GRIN2A: variants seen among roughly 807,000 people sequenced by gnomAD.
GRIN2A encodes glutamate receptor ionotropic, NMDA 2A.
A neutral mutation model predicts 113.4 loss-of-function variants in GRIN2A; 22 were observed. The ratio of observed to expected loss-of-function variants is 0.19; its 90% CI spans 0.14 to 0.28. GRIN2A has a LOEUF of 0.28. GRIN2A is among the 10% of genes least tolerant of loss of function. The pLI is 1.00. For missense variants in GRIN2A, 1,502 were observed against 1,887.0 expected, an observed-to-expected ratio of 0.80 and a Z score of 3.78; for synonymous variants, 827 against 738.4, an observed-to-expected ratio of 1.12 and a Z score of -1.94.
At chr16:10,017,348 G>A (rs188733990) in intron 2 of GRIN2A, among the ~76,000 whole-genome samples, 3 of 152,202 alleles carry the variant, frequency 2.0e-5, no homozygotes, top group Non-Finnish European at 4.4e-5. Flanking sequence ...ATGAGTCTTG[G>A]TGGGGCGGCA....
chr16:9,936,432 A>G (rs1002185806), intron 3 of GRIN2A, among the ~76,000 whole-genome samples: 2 of 152,228 alleles, frequency 1.3e-5, no homozygotes, highest in Non-Finnish European at 2.9e-5. Context: ...ACAAGCTTTG[A>G]ACCCAGACAA....
intron 11 of GRIN2A, among the ~76,000 whole-genome samples, chr16:9,774,597 A>T (rs1334691422): frequency 6.6e-6 from 1 of 152,262 alleles, no homozygotes; most frequent in Non-Finnish European, 1.5e-5. Context: ...TAAAAAAATT[A>T]ACTCATGTAA....
chr16:10,095,096 C>G (rs902741587), intron 2 of GRIN2A, among the ~76,000 whole-genome samples: 1 of 152,086 alleles, frequency 6.6e-6, no homozygotes, highest in Non-Finnish European at 1.5e-5. Flanking sequence ...TTCTCTCTCT[C>G]TCTCTCTCCA....
At chr16:9,797,106 G>T (rs1476261299) in intron 11 of GRIN2A, among the ~76,000 whole-genome samples, 1 of 152,230 alleles carries the variant, frequency 6.6e-6, no homozygotes, top group Non-Finnish European at 1.5e-5. Context: ...CTATGCACTA[G>T]CTAACCTCTG....
intron 4 of GRIN2A, among the ~76,000 whole-genome samples, chr16:9,870,354 G>GTAT (rs912018234): frequency 1.3e-5 from 2 of 151,964 alleles, no homozygotes; most frequent in African/African-American, 4.8e-5. Flanking sequence ...CTAAGAAGCT[G>GTAT]TATTGGGGAA....
chr16:9,868,638 C>T (rs2043203293), intron 4 of GRIN2A, among the ~76,000 whole-genome samples: 1 of 152,088 alleles, frequency 6.6e-6, no homozygotes, highest in South Asian at 2.1e-4. Flanking sequence ...TTAATGGTTC[C>T]CCACTGCAGC....
chr16:9,995,560 A>C (rs968546096), intron 2 of GRIN2A, among the ~76,000 whole-genome samples: 1 of 152,166 alleles, frequency 6.6e-6, no homozygotes, highest in Admixed American at 6.5e-5. Flanking sequence ...ACAAGTGAGC[A>C]AAGGAAGGAG....
chr16:10,041,961 TC>T (rs1238257862), intron 2 of GRIN2A, among the ~76,000 whole-genome samples: 3 of 152,256 alleles, frequency 2.0e-5, no homozygotes, highest in South Asian at 4.2e-4. Flanking sequence ...CATCTTACAC[TC>T]CCTTTACACC....
intron 10 of GRIN2A, among the ~76,000 whole-genome samples, chr16:9,812,589 G>A (rs998096446): frequency 6.6e-6 from 1 of 152,052 alleles, no homozygotes; most frequent in African/African-American, 2.4e-5. Flanking sequence ...ACTGAGCTGA[G>A]ATAGTACCGC....
rs375681153 is a variant in GRIN2A at position 10,087,194 on chromosome 16, G to C, written c.414+92804C>G. On this transcript the variant is annotated intron_variant, in intron 2 of 12. Transcript: ENST00000330684. The stretch of plus-strand genomic sequence containing the variant: ...TCTCTGAGCCTCAGTTTCCACATCT[G>C]TAAGAAAGGGACAATGATAATAATC... Among the ~76,000 whole-genome samples the C allele has an allele frequency of 9.8e-5, 15 of 152,318 alleles. No individual in the cohort carries two copies. The South Asian group carries it at 2.7e-3, about 27-fold the overall frequency.
At chr16:9,903,221 G>A (rs1424272140) in intron 3 of GRIN2A, among the ~76,000 whole-genome samples, 1 of 151,926 alleles carries the variant, frequency 6.6e-6, no homozygotes, top group Non-Finnish European at 1.5e-5. Flanking sequence ...CGCCACCTCG[G>A]CCTCCCAAAG....
chr16:9,857,547 A>C (rs2042990536), intron 4 of GRIN2A, among the ~76,000 whole-genome samples: 1 of 152,372 alleles, frequency 6.6e-6, no homozygotes, highest in South Asian at 2.1e-4. Context: ...CCAGGAGTTT[A>C]AACTTTGGAG....
chr16:10,002,596 C>T (rs963823421), intron 2 of GRIN2A, among the ~76,000 whole-genome samples: 1 of 152,144 alleles, frequency 6.6e-6, no homozygotes, highest in African/African-American at 2.4e-5. Context: ...ACAGAAAGCA[C>T]GCAGGCAACA....
intron 11 of GRIN2A, among the ~76,000 whole-genome samples, chr16:9,793,387 A>G (rs1544604): frequency 0.37 from 56,750 of 151,906 alleles, 11,442 homozygotes; most frequent in African/African-American, 0.54. Context: ...CAAACCCCAC[A>G]ATCATTTTTT....
rs115928720 is a variant in GRIN2A, at chr16:9,930,649, A to G, written c.1007+7310T>C. 3.6e-3 allele frequency among the ~76,000 whole-genome samples: 552 copies of G among 152,326 alleles called. 5 individuals carry two copies. Among genetic ancestry groups the G allele is most frequent in the African/African-American group, 0.012 (511 of 41,566 alleles). ...ATCTCCCAGATAAATATTTGCAAAG[A>G]GTTAATCACATTCACCTAGGGAAGT... On this transcript the variant is annotated intron_variant, in intron 3 of 12. Transcript: ENST00000330684.
Position 9,758,348 on chromosome 16 carries a change from T to G in GRIN2A, c.*4801A>C. The G allele has an allele frequency of 4.5e-6, 1 of 224,094 alleles. No homozygotes were observed. Among genetic ancestry groups the G allele is most frequent in the Non-Finnish European group, 8.9e-6 (1 of 112,210 alleles). 13.9% of individuals were successfully genotyped at this position (224,094 alleles called of 1,614,324 possible). On this transcript the variant is annotated 3_prime_UTR_variant, in exon 13 of 13. Transcript: ENST00000330684. ...AGAAGCAAATGCGAGCAGAATATATTCTATACCCCTCATCCCAGAGTTTTG... is the reference window on the plus strand; with the variant it reads ...AGAAGCAAATGCGAGCAGAATATATGCTATACCCCTCATCCCAGAGTTTTG...
At chr16:9,867,813 G>A (rs1429539168) in intron 4 of GRIN2A, among the ~76,000 whole-genome samples, 2 of 151,930 alleles carry the variant, frequency 1.3e-5, no homozygotes, top group Non-Finnish European at 2.9e-5. Flanking sequence ...CTTGCCCCCA[G>A]AACATCCAGG....
intron 11 of GRIN2A, among the ~76,000 whole-genome samples, chr16:9,793,573 G>C (rs1276121604): frequency 6.6e-6 from 1 of 152,030 alleles, no homozygotes; most frequent in East Asian, 1.9e-4. Context: ...AGAGTTGCTG[G>C]TTGCTGGATG....
At chr16:10,073,935 C>T (rs1007258988) in intron 2 of GRIN2A, among the ~76,000 whole-genome samples, 1 of 121,100 alleles carries the variant, frequency 8.3e-6, no homozygotes, top group East Asian at 2.6e-4. Flanking sequence ...AAAAAAAAAA[C>T]GAAGTGAAAA....
Sources: gnomAD v4.1 joint callset for allele counts (sites outside exome capture counted in the v4.1 genomes callset) on GRCh38, gnomAD v4.1.1 for gene constraint, MANE v1.5 for transcripts, NCBI Gene and HGNC (gene_info 2026-07-23, HGNC 2026-07-21) for gene names.